The following FHIT variants were observed in gnomAD, a reference collection of about 807,000 sequenced individuals.
The protein encoded by FHIT is fragile histidine triad diadenosine triphosphatase, also known as bis(5'-adenosyl)-triphosphatase.
FHIT carries 19 observed loss-of-function variants against 17.9 expected under a neutral mutation model. That is an observed-to-expected ratio of 1.06 (90% CI 0.74 to 1.56). FHIT has a LOEUF of 1.56. Among genes scored for constraint, FHIT ranks in the 40% most tolerant of loss-of-function variants. The probability of loss-of-function intolerance (pLI) is 0.00; values close to 1 mark genes in which losing one functional copy is unlikely to be tolerated. For synonymous variants in FHIT, 81 were observed against 69.7 expected, an observed-to-expected ratio of 1.16 and a Z score of -0.81; for missense variants, 248 against 189.2, an observed-to-expected ratio of 1.31 and a Z score of -1.82.
chr3:60,355,990 C>T (rs1003127756), intron 5 of FHIT, among the ~76,000 whole-genome samples: 26 of 152,126 alleles, frequency 1.7e-4, no homozygotes, highest in Admixed American at 4.6e-4. Flanking sequence ...TTGTAAAGGG[C>T]TTGTATCAAT....
intron 8 of FHIT, among the ~76,000 whole-genome samples, chr3:59,786,128 G>C (rs1415145605): frequency 6.6e-6 from 1 of 152,150 alleles, no homozygotes; most frequent in Non-Finnish European, 1.5e-5. Flanking sequence ...TTTTCAGCCA[G>C]GTCTGGGCCA....
intron 5 of FHIT, among the ~76,000 whole-genome samples, chr3:60,262,446 C>G (rs1576386850): frequency 1.3e-5 from 2 of 151,904 alleles, no homozygotes. Flanking sequence ...AAATTAAAGG[C>G]AAAACATCCC....
chr3:60,801,421 A>T, intron 4 of FHIT, among the ~76,000 whole-genome samples: 1 of 152,226 alleles, frequency 6.6e-6, no homozygotes, highest in East Asian at 1.9e-4. Context: ...TGTCACAGGA[A>T]GTGTCCAATC....
At chr3:60,471,906 T>A (rs1210199173) in intron 5 of FHIT, among the ~76,000 whole-genome samples, 1 of 152,194 alleles carries the variant, frequency 6.6e-6, no homozygotes, top group African/African-American at 2.4e-5. Flanking sequence ...AACAGAGTCA[T>A]ATTTCAAATA....
In FHIT at chr3:60,216,835, C is replaced by T. The variant is rs537893736; in HGVS notation, c.104-202683G>A. ...CTGTCATCTCACTCCCCTGATAAAACTCTTGACATGTTTTGCAGTATCCTC... is the reference window on the plus strand; with the variant it reads ...CTGTCATCTCACTCCCCTGATAAAATTCTTGACATGTTTTGCAGTATCCTC... On this transcript the variant is annotated intron_variant, in intron 5 of 9. Transcript: ENST00000492590. 2.0e-5 allele frequency among the ~76,000 whole-genome samples: 3 copies of T among 152,278 alleles called. No homozygotes were observed. In the South Asian group the frequency reaches 6.2e-4, roughly 32 times the overall value.
chr3:61,079,647 T>C (rs547166620), intron 2 of FHIT, among the ~76,000 whole-genome samples: 6 of 152,204 alleles, frequency 3.9e-5, no homozygotes, highest in African/African-American at 1.4e-4. Context: ...GTATTTCACA[T>C]GTACATGCAC....
chr3:60,386,855 A>G (rs1474660491), intron 5 of FHIT, among the ~76,000 whole-genome samples: 4 of 152,088 alleles, frequency 2.6e-5, no homozygotes, highest in African/African-American at 9.7e-5. Context: ...AACTATGTCC[A>G]CTATAGCGTA....
At chr3:59,930,306 T>G (rs1258126023) in intron 7 of FHIT, among the ~76,000 whole-genome samples, 1 of 152,120 alleles carries the variant, frequency 6.6e-6, no homozygotes, top group Non-Finnish European at 1.5e-5. Context: ...GGTAACACAA[T>G]GTGGGCAGAG....
intron 5 of FHIT, among the ~76,000 whole-genome samples, chr3:60,305,884 T>C (rs1708648755): frequency 6.6e-6 from 1 of 152,092 alleles, no homozygotes; most frequent in Admixed American, 6.6e-5. Flanking sequence ...ATGAAGACGG[T>C]TTTTGAATTT....
intron 5 of FHIT, among the ~76,000 whole-genome samples, chr3:60,460,022 A>G (rs1445985760): frequency 6.6e-6 from 1 of 152,170 alleles, no homozygotes; most frequent in East Asian, 1.9e-4. Context: ...AAATAGCCAA[A>G]GGTCAAAATA....
intron 4 of FHIT, among the ~76,000 whole-genome samples, chr3:60,764,776 T>C (rs1441211765): frequency 1.3e-5 from 2 of 150,636 alleles, no homozygotes; most frequent in South Asian, 2.1e-4. Context: ...ATAATTAATA[T>C]ATAATAAATG....
At chr3:60,702,996 G>C (rs1376843300) in intron 4 of FHIT, among the ~76,000 whole-genome samples, 2 of 152,082 alleles carry the variant, frequency 1.3e-5, no homozygotes, top group African/African-American at 2.4e-5. Flanking sequence ...TAGTCATGTG[G>C]AATCTCAAGT....
intron 5 of FHIT, among the ~76,000 whole-genome samples, chr3:60,185,255 A>G (rs1029675156): frequency 7.0e-5 from 10 of 143,546 alleles, no homozygotes; most frequent in South Asian, 6.5e-4. Flanking sequence ...TGGTGTGGGG[A>G]AAAAAAAAAA....
At chr3:60,471,815 C>A (rs902788521) in intron 5 of FHIT, among the ~76,000 whole-genome samples, 4 of 152,118 alleles carry the variant, frequency 2.6e-5, no homozygotes, top group African/African-American at 7.2e-5. Context: ...GCCACCCCAC[C>A]CCTCTCACAT....
intron 3 of FHIT, among the ~76,000 whole-genome samples, chr3:61,020,742 C>T (rs1426633578): frequency 6.6e-6 from 1 of 152,106 alleles, no homozygotes; most frequent in Non-Finnish European, 1.5e-5. Flanking sequence ...GATAAACAGT[C>T]ATGACCCGTG....
intron 4 of FHIT, among the ~76,000 whole-genome samples, chr3:60,814,371 C>T (rs1170311986): frequency 1.3e-5 from 2 of 152,078 alleles, no homozygotes; most frequent in Admixed American, 6.6e-5. Context: ...CTTCCCTGCT[C>T]TAGTAGTCCC....
intron 5 of FHIT, among the ~76,000 whole-genome samples, chr3:60,441,915 G>A: frequency 6.8e-6 from 1 of 146,526 alleles, no homozygotes. Flanking sequence ...CTGGAGTACA[G>A]TGGCATGATC....
chr3:59,927,921 C>T (rs1029938601), intron 7 of FHIT, among the ~76,000 whole-genome samples: 2 of 152,236 alleles, frequency 1.3e-5, no homozygotes, highest in Admixed American at 6.5e-5. Context: ...TCTCTTTGAA[C>T]ACATCTCTTC....
intron 3 of FHIT, among the ~76,000 whole-genome samples, chr3:60,834,514 G>C (rs1304329467): frequency 6.6e-6 from 1 of 151,468 alleles, no homozygotes; most frequent in Non-Finnish European, 1.5e-5. Flanking sequence ...TGTCAGATAT[G>C]TAGTTTGCAA....
Sources: allele counts gnomAD v4.1 joint callset (sites outside exome capture counted in the v4.1 genomes callset), GRCh38; gene constraint gnomAD v4.1.1; transcripts MANE v1.5; gene names NCBI Gene and HGNC (gene_info 2026-07-23, HGNC 2026-07-21).